The following FAM227B variants were observed in gnomAD, a reference collection of about 807,000 sequenced individuals.
FAM227B encodes protein FAM227B.
A neutral mutation model predicts 73.8 loss-of-function variants in FAM227B; 88 were observed. The observed-to-expected ratio is 1.19, with a 90% confidence interval of 1.00 to 1.42. The LOEUF (loss-of-function observed/expected upper bound fraction) is 1.42. FAM227B is among the 40% of genes most tolerant of loss of function. The pLI is 0.00. For missense variants in FAM227B, 632 were observed against 590.9 expected (o/e 1.07, Z -0.72); for synonymous variants, 210 against 190.5 (o/e 1.10, Z -0.84).
At chr15:49,573,864 AAAG>A (rs1173504721) in intron 8 of FAM227B, among the ~76,000 whole-genome samples, 2 of 152,176 alleles carry the variant, frequency 1.3e-5, no homozygotes, top group Admixed American at 6.5e-5. Context: ...CCAACTATTC[AAAG>A]AAGGGGCTGA....
Position 49,589,935 on chromosome 15 carries a change from CTTCTT to C in FAM227B, c.173_177del (p.Lys58ArgfsTer2). On this transcript the variant is annotated frameshift_variant, in exon 4 of 16. Coordinates refer to ENST00000299338, the MANE Select transcript of FAM227B (RefSeq NM_152647.3). LOFTEE classifies it high-confidence loss of function. ...GTATAAATTGAAACAAATGAACTAT[CTTCTT>C]TTATTTTTTTCAGAGTGCATGACCA... The C allele has an allele frequency of 6.8e-6, 11 of 1,606,478 alleles. No homozygotes were observed. Among genetic ancestry groups the C allele is most frequent in the African/African-American group, 1.3e-5 (1 of 74,844 alleles).
At chr15:49,516,756 T>TG (rs1219766399) in intron 10 of FAM227B, among the ~76,000 whole-genome samples, 1 of 152,198 alleles carries the variant, frequency 6.6e-6, no homozygotes, top group Non-Finnish European at 1.5e-5. Context: ...ACTATGAATA[T>TG]GTCTTGTTAT....
At chr15:49,482,400 A>G (rs191726570) in intron 11 of FAM227B, among the ~76,000 whole-genome samples, 24 of 152,224 alleles carry the variant, frequency 1.6e-4, no homozygotes, top group African/African-American at 5.3e-4. Context: ...ATGAAGTATT[A>G]TATAAACAGG....
At chr15:49,504,265 G>A (rs545518750) in intron 11 of FAM227B, among the ~76,000 whole-genome samples, 9 of 138,338 alleles carry the variant, frequency 6.5e-5, no homozygotes, top group Non-Finnish European at 9.2e-5. Flanking sequence ...ATCACACCCC[G>A]GGGCCTGTTG....
intron 11 of FAM227B, chr15:49,485,415 C>T (rs1244362400): frequency 3.9e-5 from 6 of 152,094 alleles, no homozygotes; most frequent in Non-Finnish European, 8.8e-5. Flanking sequence ...CAGCATTAAA[C>T]TCTATTTTAA....
intron 13 of FAM227B, among the ~76,000 whole-genome samples, chr15:49,366,850 G>C (rs2045305821): frequency 6.6e-6 from 1 of 152,298 alleles, no homozygotes; most frequent in African/African-American, 2.4e-5. Context: ...TTAGTGGCTA[G>C]TGTTCTAATT....
chr15:49,357,704 T>C (rs959980297), intron 13 of FAM227B, among the ~76,000 whole-genome samples: 12 of 151,594 alleles, frequency 7.9e-5, no homozygotes, highest in South Asian at 6.3e-4. Context: ...TTCCAATCAA[T>C]AGAAAAAGAG....
chr15:49,444,621 G>A (rs17478618), intron 11 of FAM227B, among the ~76,000 whole-genome samples: 26,533 of 151,624 alleles, frequency 0.17, 2,589 homozygotes, highest in Non-Finnish European at 0.22. Context: ...GAAGCCTAAT[G>A]AAGCAGATCT....
At chr15:49,379,200 G>A (rs949116225) in intron 11 of FAM227B, among the ~76,000 whole-genome samples, 16 of 152,182 alleles carry the variant, frequency 1.1e-4, no homozygotes, top group Middle Eastern at 3.4e-3. Flanking sequence ...CTAATGTATT[G>A]TTTGCTAGTG....
intron 3 of FAM227B, among the ~76,000 whole-genome samples, chr15:49,597,686 A>T (rs2076960242): frequency 6.6e-6 from 1 of 152,090 alleles, no homozygotes. Flanking sequence ...AAGCTTGTTA[A>T]ATTATTTGAA....
intron 13 of FAM227B, among the ~76,000 whole-genome samples, chr15:49,349,034 G>A (rs1432632136): frequency 6.6e-6 from 1 of 152,024 alleles, no homozygotes; most frequent in African/African-American, 2.4e-5. Context: ...CTCACTCCCT[G>A]GAACCTGATT....
At chr15:49,566,714 G>C (rs1001622647) in intron 9 of FAM227B, among the ~76,000 whole-genome samples, 13 of 152,140 alleles carry the variant, frequency 8.5e-5, no homozygotes, top group African/African-American at 3.1e-4. Context: ...TAAATGCATG[G>C]ACAGGGAGTT....
Position 49,508,963 on chromosome 15 carries a change from C to G in FAM227B, c.875-615G>C, listed in dbSNP as rs573861614. ...AGGGGGATGTCATGCCACAGGGGGC[C>G]ACATGGGCAAGCCCTGGGGCCAGTC... is the stretch of plus-strand genomic sequence containing the variant. On this transcript the variant is annotated intron_variant, in intron 10 of 15. Coordinates refer to ENST00000299338, the MANE Select transcript of FAM227B (RefSeq NM_152647.3). Among the ~76,000 whole-genome samples the G allele has an allele frequency of 1.3e-5, 2 of 152,276 alleles. 1 individual carries two copies. The highest frequency in any genetic ancestry group is 1.3e-4 in the Admixed American group (2 of 15,296).
chr15:49,479,066 A>T (rs190332170), intron 11 of FAM227B, among the ~76,000 whole-genome samples: 71 of 152,324 alleles, frequency 4.7e-4, no homozygotes, highest in African/African-American at 1.4e-3. Flanking sequence ...TAAATTCATG[A>T]ATTATTGAAC....
At chr15:49,350,715 C>T (rs538904595) in intron 13 of FAM227B, among the ~76,000 whole-genome samples, 2 of 152,292 alleles carry the variant, frequency 1.3e-5, no homozygotes, top group East Asian at 3.9e-4. Context: ...GCACCATTTG[C>T]CTTTTATAAT....
At chr15:49,472,583 G>C (rs1296457071) in intron 11 of FAM227B, among the ~76,000 whole-genome samples, 1 of 152,154 alleles carries the variant, frequency 6.6e-6, no homozygotes, top group Non-Finnish European at 1.5e-5. Flanking sequence ...GAGAATAAAA[G>C]TTGGGAACAA....
At chr15:49,560,031 A>G (rs12592126) in intron 9 of FAM227B, among the ~76,000 whole-genome samples, 16,291 of 152,230 alleles carry the variant, frequency 0.11, 1,239 homozygotes, top group East Asian at 0.36. Flanking sequence ...GTTCCTGACC[A>G]AAAAAGAAAC....
chr15:49,424,495 G>T, intron 11 of FAM227B: 1 of 1,613,008 alleles, frequency 6.2e-7, no homozygotes, highest in Non-Finnish European at 8.5e-7. Flanking sequence ...ATATAAGAGT[G>T]AGAAGACTCT....
chr15:49,338,080 A>G (rs2040068283), intron 13 of FAM227B, among the ~76,000 whole-genome samples: 2 of 152,108 alleles, frequency 1.3e-5, no homozygotes, highest in African/African-American at 4.8e-5. Flanking sequence ...GAATTGCCAC[A>G]TTGTCTTCCA....
Sources: allele counts gnomAD v4.1 joint callset (sites outside exome capture counted in the v4.1 genomes callset), GRCh38; gene constraint gnomAD v4.1.1; transcripts MANE v1.5; gene names NCBI Gene and HGNC (gene_info 2026-07-23, HGNC 2026-07-21).